ADAMTSL3: variants seen among roughly 807,000 people sequenced by gnomAD.
The protein encoded by ADAMTSL3 is ADAMTS like 3, also known as ADAMTS-like protein 3.
ADAMTSL3 carries 128 observed loss-of-function variants against 201.7 expected under a neutral mutation model. That is an observed-to-expected ratio of 0.63 (90% confidence interval 0.55 to 0.73). The LOEUF is 0.73. Among genes scored for constraint, ADAMTSL3 ranks in the 30% least tolerant of loss-of-function variants. The probability of loss-of-function intolerance (pLI) is 0.00; values close to 1 mark genes in which losing one functional copy is unlikely to be tolerated. For missense variants in ADAMTSL3, 1,990 were observed against 2,119.6 expected, an observed-to-expected ratio of 0.94 and a Z score of 1.20; for synonymous variants, 738 against 748.4, an observed-to-expected ratio of 0.99 and a Z score of 0.23.
At chr15:83,972,613 G>T (rs1567273906) in intron 20 of ADAMTSL3, among the ~76,000 whole-genome samples, 1 of 152,070 alleles carries the variant, frequency 6.6e-6, no homozygotes, top group Non-Finnish European at 1.5e-5. Flanking sequence ...GAGGAGCAGA[G>T]AAAATTACAA....
intron 16 of ADAMTSL3, among the ~76,000 whole-genome samples, chr15:83,923,047 A>G (rs1470892689): frequency 6.6e-6 from 1 of 152,130 alleles, no homozygotes; most frequent in African/African-American, 2.4e-5. Context: ...GGTCAGACAG[A>G]CCTGTCTGGC....
intron 21 of ADAMTSL3, among the ~76,000 whole-genome samples, chr15:83,986,356 T>C (rs2067474665): frequency 2.0e-5 from 3 of 152,300 alleles, no homozygotes; most frequent in South Asian, 4.1e-4. Context: ...TTTAAATAGA[T>C]TGACTTGATG....
intron 5 of ADAMTSL3, among the ~76,000 whole-genome samples, chr15:83,819,218 C>T (rs1370303364): frequency 4.0e-5 from 6 of 150,380 alleles, no homozygotes; most frequent in Non-Finnish European, 8.9e-5. Context: ...TTGCAGTGAG[C>T]CGAGCCACTG....
chr15:84,026,265 T>C (rs778201614), intron 27 of ADAMTSL3, among the ~76,000 whole-genome samples: 3 of 152,164 alleles, frequency 2.0e-5, no homozygotes, highest in Non-Finnish European at 2.9e-5. Context: ...GAGAAAACAT[T>C]GTTTTAAAAA....
chr15:83,896,445 T>G (rs985286397), intron 13 of ADAMTSL3, among the ~76,000 whole-genome samples: 2 of 152,194 alleles, frequency 1.3e-5, no homozygotes, highest in African/African-American at 4.8e-5. Context: ...TTTAGAAAGC[T>G]GACAACAACC....
At chr15:83,960,226 C>A (rs2142090930) in intron 19 of ADAMTSL3, among the ~76,000 whole-genome samples, 1 of 152,148 alleles carries the variant, frequency 6.6e-6, no homozygotes, top group Admixed American at 6.5e-5. Flanking sequence ...CATTTTCCTC[C>A]TTTGAAACCC....
chr15:83,778,121 T>C (rs148226640), intron 4 of ADAMTSL3, among the ~76,000 whole-genome samples: 6 of 152,250 alleles, frequency 3.9e-5, no homozygotes, highest in Non-Finnish European at 7.4e-5. Context: ...TGAGATTATG[T>C]AAAGAGACCA....
intron 19 of ADAMTSL3, among the ~76,000 whole-genome samples, chr15:83,965,799 C>T (rs1470539461): frequency 6.6e-6 from 1 of 152,178 alleles, no homozygotes; most frequent in Non-Finnish European, 1.5e-5. Context: ...CACTCCTCAG[C>T]AAATACAAAA....
At chr15:83,810,301 T>C (rs2063672441) in intron 5 of ADAMTSL3, among the ~76,000 whole-genome samples, 1 of 152,176 alleles carries the variant, frequency 6.6e-6, no homozygotes, top group South Asian at 2.1e-4. Context: ...CATTCATTCA[T>C]TGTGAATGCT....
chr15:83,704,639 C>T (rs2061823170), intron 3 of ADAMTSL3, 131 bp downstream of exon 3: 2 of 1,202,620 alleles, frequency 1.7e-6, no homozygotes, highest in South Asian at 1.6e-5. Flanking sequence ...CCTTGACACC[C>T]TTGAAGGATC....
At position 83,892,699 on chromosome 15, in the gene ADAMTSL3, T is replaced by C. The variant is rs755697306; in HGVS notation, c.1278T>C (p.Pro426=). The change falls in exon 13 of 30, where the codon CCT becomes CCC. Residue 426 remains proline, a synonymous_variant. Coordinates refer to ENST00000286744, the MANE Select transcript of ADAMTSL3 (RefSeq NM_207517.3). The part of the protein sequence containing the change: ...FQPLPRWEHN[P]WTACSVSCGG... ...TGCTTTTGAGCTGGGAACATAATCC[T>C]TGGACTGCATGTTCCGTGTCCTGTG... The C allele has an allele frequency of 1.2e-6, 2 of 1,613,812 alleles. No individual in the cohort carries two copies. Among genetic ancestry groups the C allele is most frequent in the Admixed American group, 1.7e-5 (1 of 59,972 alleles).
At position 83,959,704 on chromosome 15, in the gene ADAMTSL3, C is replaced by T. The variant is rs141204362; in HGVS notation, c.2491-10780C>T. ...CCATGAGCAATTCCTGAGGAATCCA[C>T]GAGATGTCTATAGAGGAAACCATGA... is the stretch of plus-strand genomic sequence containing the variant. On this transcript the variant is annotated intron_variant, in intron 19 of 29. Coordinates refer to ENST00000286744, the MANE Select transcript of ADAMTSL3 (RefSeq NM_207517.3). Among the ~76,000 whole-genome samples, 351 of 152,310 alleles carry T rather than the reference C, an allele frequency of 2.3e-3. 1 individual carries two copies. The highest frequency in any genetic ancestry group is 8.0e-3 in the African/African-American group (332 of 41,548).
At position 83,888,089 on chromosome 15, in the gene ADAMTSL3, A is replaced by G. The variant is rs148211785; in HGVS notation, c.1073-2020A>G. 9.2e-5 allele frequency among the ~76,000 whole-genome samples: 14 copies of G among 152,344 alleles called. No homozygotes were observed. The East Asian group carries it at 2.7e-3, about 29-fold the overall frequency. On this transcript the variant is annotated intron_variant, in intron 10 of 29. Coordinates refer to ENST00000286744, the MANE Select transcript of ADAMTSL3 (RefSeq NM_207517.3). ...TTCTCCTACTTGGGTGCCCATGGAA[A>G]GACATAGTCCTGCTGGAACTATAAA...
chr15:83,996,735 T>C (rs994780065), intron 23 of ADAMTSL3, among the ~76,000 whole-genome samples: 4 of 129,870 alleles, frequency 3.1e-5, no homozygotes, highest in Non-Finnish European at 4.6e-5. Context: ...GAGCAGAGAT[T>C]GCACCACTGC....
At chr15:84,023,802 C>G (rs570669717) in intron 26 of ADAMTSL3, among the ~76,000 whole-genome samples, 1 of 152,282 alleles carries the variant, frequency 6.6e-6, no homozygotes, top group South Asian at 2.1e-4. Context: ...CCCTCTACAT[C>G]AAGGCTTCTC....
chr15:83,971,076 A>C (rs546976127), intron 20 of ADAMTSL3, among the ~76,000 whole-genome samples: 1 of 152,354 alleles, frequency 6.6e-6, no homozygotes, highest in African/African-American at 2.4e-5. Context: ...AAGGATAAAA[A>C]CATGAAAGAA....
chr15:83,727,453 C>G (rs1264230229), intron 3 of ADAMTSL3, among the ~76,000 whole-genome samples: 2 of 151,482 alleles, frequency 1.3e-5, no homozygotes, highest in East Asian at 3.9e-4. Flanking sequence ...TGTTGTTTTT[C>G]TAGTTCTTTA....
rs567070217 is a variant in ADAMTSL3, at chr15:84,025,449, C to T, written c.4656+13C>T. On this transcript the variant is annotated intron_variant, in intron 27 of 29. Transcript: ENST00000286744. ...ACCAGGGAACCGGGTAAAGCTAACA[C>T]ATCTAGTTTGTGGACAGCACTATCT... 1.9e-5 allele frequency: 30 copies of T among 1,611,756 alleles called. No individual in the cohort carries two copies. In the South Asian group the frequency reaches 3.0e-4, roughly 16 times the overall value.
intron 16 of ADAMTSL3, among the ~76,000 whole-genome samples, chr15:83,915,007 T>A: frequency 6.6e-6 from 1 of 152,196 alleles, no homozygotes; most frequent in East Asian, 1.9e-4. Flanking sequence ...GATGCAAAGA[T>A]GGTCCCCTAT....
Sources: allele counts gnomAD v4.1 joint callset (sites outside exome capture counted in the v4.1 genomes callset), GRCh38; gene constraint gnomAD v4.1.1; transcripts MANE v1.5; gene names NCBI Gene and HGNC (gene_info 2026-07-23, HGNC 2026-07-21).